ADGRA3: variants seen among roughly 807,000 people sequenced by gnomAD.
ADGRA3 encodes G-protein coupled receptor 125.
ADGRA3 carries 56 observed loss-of-function variants against 119.8 expected under a neutral mutation model. The observed-to-expected ratio is 0.47, with a 90% confidence interval of 0.38 to 0.58. The LOEUF is 0.58. Ranked by LOEUF, ADGRA3 falls within the 20% of genes least tolerant of loss-of-function variation. The probability of loss-of-function intolerance (pLI) is 0.00; values close to 1 mark genes in which losing one functional copy is unlikely to be tolerated. For missense variants in ADGRA3, 1,516 were observed against 1,649.0 expected (o/e 0.92, Z 1.40); for synonymous variants, 607 against 623.8 (o/e 0.97, Z 0.40).
intron 14 of ADGRA3, 143 bp from the exon 15 acceptor site, chr4:22,402,942 G>A (rs1317355231): frequency 1.3e-5 from 10 of 753,734 alleles, no homozygotes; most frequent in Non-Finnish European, 2.1e-5. Context: ...AATGTTTCAC[G>A]CTATTTTCCT....
intron 1 of ADGRA3, chr4:22,515,301 C>G (rs765531899): frequency 1.6e-4 from 67 of 413,236 alleles, no homozygotes; most frequent in Non-Finnish European, 4.9e-5. Flanking sequence ...AACCCGAAAA[C>G]TTTACTTTGC....
chr4:22,509,879 G>A (rs974445333), intron 1 of ADGRA3, among the ~76,000 whole-genome samples: 37 of 151,844 alleles, frequency 2.4e-4, no homozygotes, highest in African/African-American at 6.3e-4. Flanking sequence ...GCGTGGTAGC[G>A]GGCGCCTGTA....
intron 17 of ADGRA3, among the ~76,000 whole-genome samples, chr4:22,390,412 TTATATATATATAA>T (rs1714087245): frequency 2.3e-5 from 2 of 87,312 alleles, no homozygotes; most frequent in Admixed American, 1.1e-4. Context: ...AAAATACGTA[TTATATATATATAA>T]TACGTATTAT....
chr4:22,455,374 G>A (rs1438251917), intron 3 of ADGRA3, among the ~76,000 whole-genome samples: 2 of 151,902 alleles, frequency 1.3e-5, no homozygotes, highest in African/African-American at 4.8e-5. Flanking sequence ...TACAATGATG[G>A]AACTTTCATT....
In ADGRA3 at chr4:22,430,853, T is replaced by C. The variant is rs754855607; in HGVS notation, c.1443+4458A>G. Reference sequence around the variant, plus strand: ...CTGGGCCCAGGGTCCATGTGCTGTGTGCAGTCTAGGGACTTGGTGTCTAGC... The same window carrying C: ...CTGGGCCCAGGGTCCATGTGCTGTGCGCAGTCTAGGGACTTGGTGTCTAGC... On this transcript the variant is annotated intron_variant, in intron 10 of 18. Transcript: ENST00000334304. Among the ~76,000 whole-genome samples, 193 of 148,420 alleles carry C rather than the reference T, an allele frequency of 1.3e-3. 1 individual carries two copies. Among genetic ancestry groups the C allele is most frequent in the Admixed American group, 2.0e-3 (30 of 14,864 alleles).
Position 22,428,046 on chromosome 4 carries a change from G to T in ADGRA3, c.1444-3694C>A, listed in dbSNP as rs569038692. ...CAAGTTCTTAATATACAAATGGCTT[G>T]GAAGTTTTATCAAAATTAGGTCAAA... On this transcript the variant is annotated intron_variant, in intron 10 of 18. Coordinates refer to ENST00000334304, the MANE Select transcript of ADGRA3 (RefSeq NM_145290.4). 1.3e-4 allele frequency among the ~76,000 whole-genome samples: 20 copies of T among 152,222 alleles called. 1 individual carries two copies. Among genetic ancestry groups the T allele is most frequent in the African/African-American group, 4.8e-4 (20 of 41,556 alleles).
chr4:22,404,309 T>C (rs141309718), intron 14 of ADGRA3, among the ~76,000 whole-genome samples: 16 of 151,930 alleles, frequency 1.1e-4, no homozygotes, highest in African/African-American at 3.6e-4. Context: ...ATGACCTCAA[T>C]AGAGTAGGAA....
intron 16 of ADGRA3, among the ~76,000 whole-genome samples, chr4:22,397,361 T>C (rs1045485319): frequency 6.6e-6 from 1 of 151,982 alleles, no homozygotes; most frequent in African/African-American, 2.4e-5. Flanking sequence ...TTTGTACTTT[T>C]AGCGGAGATG....
chr4:22,427,144 A>T, intron 10 of ADGRA3, among the ~76,000 whole-genome samples: 1 of 152,222 alleles, frequency 6.6e-6, no homozygotes, highest in Non-Finnish European at 1.5e-5. Flanking sequence ...AACATGGTGA[A>T]ATATGCTTTA....
chr4:22,489,234 A>G (rs1047762760), intron 1 of ADGRA3, among the ~76,000 whole-genome samples: 1 of 152,200 alleles, frequency 6.6e-6, no homozygotes, highest in Non-Finnish European at 1.5e-5. Context: ...CTTATTCACT[A>G]CCATGAGAAC....
chr4:22,503,951 G>A (rs576422327), intron 1 of ADGRA3, among the ~76,000 whole-genome samples: 4 of 152,226 alleles, frequency 2.6e-5, no homozygotes, highest in African/African-American at 4.8e-5. Context: ...CATGAGGGGC[G>A]CAGCACTTTA....
intron 1 of ADGRA3, among the ~76,000 whole-genome samples, chr4:22,494,913 G>A (rs1373210811): frequency 6.6e-6 from 1 of 151,858 alleles, no homozygotes; most frequent in Non-Finnish European, 1.5e-5. Context: ...TTAAAACCGT[G>A]GATAGTAGCA....
chr4:22,503,203 A>C (rs1020888574), intron 1 of ADGRA3, among the ~76,000 whole-genome samples: 1 of 152,224 alleles, frequency 6.6e-6, no homozygotes, highest in African/African-American at 2.4e-5. Context: ...TTAGGCACAA[A>C]GGATGAGTTT....
intron 17 of ADGRA3, among the ~76,000 whole-genome samples, 168 bp from the exon 18 acceptor site, chr4:22,389,351 G>GT (rs1714010719): frequency 6.6e-6 from 1 of 152,110 alleles, no homozygotes; most frequent in East Asian, 1.9e-4. Flanking sequence ...GCAGTAATGT[G>GT]TTTTTATTTT....
chr4:22,496,809 T>C (rs1265005374), intron 1 of ADGRA3, among the ~76,000 whole-genome samples: 1 of 152,118 alleles, frequency 6.6e-6, no homozygotes, highest in Non-Finnish European at 1.5e-5. Flanking sequence ...TTAATACACA[T>C]ATATAAACAG....
intron 11 of ADGRA3, among the ~76,000 whole-genome samples, chr4:22,422,134 T>C (rs900268998): frequency 2.6e-5 from 4 of 151,780 alleles, no homozygotes; most frequent in African/African-American, 9.7e-5. Flanking sequence ...TCCAGCAGAG[T>C]GACAGGATTT....
At chr4:22,475,590 A>G (rs952345332) in intron 1 of ADGRA3, among the ~76,000 whole-genome samples, 1 of 152,062 alleles carries the variant, frequency 6.6e-6, no homozygotes, top group African/African-American at 2.4e-5. Context: ...AGCCGGGCGT[A>G]GTGGTGGGCA....
chr4:22,478,894 A>C (rs186769681), intron 1 of ADGRA3, among the ~76,000 whole-genome samples: 46 of 152,346 alleles, frequency 3.0e-4, no homozygotes, highest in South Asian at 2.5e-3. Context: ...AAATTTGAAA[A>C]TGTAGCACAT....
intron 1 of ADGRA3, among the ~76,000 whole-genome samples, chr4:22,506,038 C>T (rs143638507): frequency 0.01 from 1,563 of 152,222 alleles, 8 homozygotes; most frequent in South Asian, 0.029. Context: ...GTGAAAGTTT[C>T]GGTCTTTGGC....
Sources: gnomAD v4.1 joint callset for allele counts (sites outside exome capture counted in the v4.1 genomes callset) on GRCh38, gnomAD v4.1.1 for gene constraint, MANE v1.5 for transcripts, NCBI Gene and HGNC (gene_info 2026-07-23, HGNC 2026-07-21) for gene names.